Variants in CYB5D2 observed in about 807,000 individuals in gnomAD.
CYB5D2 encodes the protein neuferricin.
CYB5D2 carries 23 observed loss-of-function variants against 22.8 expected under a neutral mutation model. The ratio of observed to expected loss-of-function variants is 1.01; its 90% confidence interval spans 0.73 to 1.43. CYB5D2 has a LOEUF of 1.43. Ranked by LOEUF, CYB5D2 falls within the 40% of genes most tolerant of loss-of-function variation. The pLI is 0.00. For missense variants in CYB5D2, 373 were observed against 357.2 expected, an observed-to-expected ratio of 1.04 and a Z score of -0.36; for synonymous variants, 170 against 152.2, an observed-to-expected ratio of 1.12 and a Z score of -0.86.
chr17:4,146,618 C>T (rs920646889), intron 1 of CYB5D2, among the ~76,000 whole-genome samples: 1 of 151,898 alleles, frequency 6.6e-6, no homozygotes, highest in Admixed American at 6.6e-5. Context: ...TCTCGATCTC[C>T]TGACCTCGTG....
At chr17:4,155,711 C>T (rs1391741640) in intron 3 of CYB5D2, among the ~76,000 whole-genome samples, 1 of 152,170 alleles carries the variant, frequency 6.6e-6, no homozygotes, top group Non-Finnish European at 1.5e-5. Flanking sequence ...CTCTGAGACT[C>T]CAGGAGGAGG....
intron 2 of CYB5D2, among the ~76,000 whole-genome samples, chr17:4,150,757 G>A (rs7218900): frequency 0.13 from 19,836 of 152,094 alleles, 1,329 homozygotes; most frequent in African/African-American, 0.15. Flanking sequence ...GTGGTGGCAC[G>A]CACCTGTACT....
chr17:4,150,485 C>CT lies in CYB5D2; in HGVS notation c.391+454_391+455insT, dbSNP rs558291822. ...TCTCCCAGGTGGTAGTTATGCTAAT[C>CT]AAACCACTGTGTAGGTTACTGCACT... On this transcript the variant is annotated intron_variant, in intron 2 of 3. Transcript: ENST00000301391. 4.9e-3 allele frequency among the ~76,000 whole-genome samples: 748 copies of CT among 152,322 alleles called. 4 individuals carry two copies. The highest frequency in any genetic ancestry group is 0.018 in the African/African-American group (728 of 41,562).
rs540413150 is a variant in CYB5D2, at chr17:4,156,178, T to A, written c.579-688T>A. Among the ~76,000 whole-genome samples the A allele has an allele frequency of 3.3e-5, 5 of 152,378 alleles. No homozygotes were observed. In the South Asian group the frequency reaches 1.0e-3, roughly 32 times the overall value. ...AGTTCCAAGAACCTCAGTTTCTTTC[T>A]TGCAAGGCCTCTGAGTCCATCAGAG... On this transcript the variant is annotated intron_variant, in intron 3 of 3. Coordinates refer to ENST00000301391, the MANE Select transcript of CYB5D2 (RefSeq NM_144611.4).
chr17:4,156,103 G>A (rs575136540), intron 3 of CYB5D2, among the ~76,000 whole-genome samples: 1 of 152,380 alleles, frequency 6.6e-6, no homozygotes, highest in South Asian at 2.1e-4. Context: ...ATGTTTTCTC[G>A]CTGGGGGCAG....
At chr17:4,145,105 G>C (rs1385911150) in intron 1 of CYB5D2, among the ~76,000 whole-genome samples, 1 of 152,106 alleles carries the variant, frequency 6.6e-6, no homozygotes, top group African/African-American at 2.4e-5. Flanking sequence ...CTTTTTTACA[G>C]ATGTTGCCTT....
chr17:4,155,704 TGAGACTCCAGGAGGAG>T (rs1046898153), intron 3 of CYB5D2, among the ~76,000 whole-genome samples: 13 of 152,276 alleles, frequency 8.5e-5, no homozygotes, highest in Admixed American at 3.3e-4. Flanking sequence ...CACTGGTCTC[TGAGACTCCAGGAGGAG>T]GAGACTCCAG....
chr17:4,149,804 A>AT (rs2059034079), intron 1 of CYB5D2, 87 bp from the exon 2 acceptor site: 2 of 1,535,392 alleles, frequency 1.3e-6, no homozygotes, highest in East Asian at 4.6e-5. Context: ...GTCTCAAAAA[A>AT]AAAAGAAAAA....
chr17:4,153,808 C>G (rs1373394143), intron 2 of CYB5D2, among the ~76,000 whole-genome samples: 1 of 152,172 alleles, frequency 6.6e-6, no homozygotes, highest in Non-Finnish European at 1.5e-5. Context: ...GCTCCTAATG[C>G]AGGTCACAGG....
chr17:4,149,759 A>T (rs2059033240), intron 1 of CYB5D2, 132 bp from the exon 2 acceptor site: 2 of 1,090,542 alleles, frequency 1.8e-6, no homozygotes, highest in Non-Finnish European at 2.6e-6. Flanking sequence ...AAATCATGCC[A>T]CTGCACTCCA....
rs1204943987 is a variant in CYB5D2, at chr17:4,154,775, C to T, written c.493C>T (p.Gln165Ter). The change falls in exon 3 of 4, where the codon CAG (glutamine) becomes TAG (stop). Residue 165 changes from glutamine to a stop codon, truncating the protein, a stop_gained. Coordinates refer to ENST00000301391, the MANE Select transcript of CYB5D2 (RefSeq NM_144611.4). LOFTEE classifies it high-confidence loss of function. ...CAGAGGCTTGGAGGCCAACAAACTA[C>T]AGCTGCAAGAGAAGCAGACATTCCC... ...ITRGLEANKL[Q>*]LQEKQTFPPC... is the part of the protein sequence containing the mutation. 1.2e-6 allele frequency: 2 copies of T among 1,614,214 alleles called. No homozygotes were observed. The highest frequency in any genetic ancestry group is 1.1e-5 in the South Asian group (1 of 91,088).
At chr17:4,146,203 TG>T (rs2058989342) in intron 1 of CYB5D2, among the ~76,000 whole-genome samples, 2 of 151,914 alleles carry the variant, frequency 1.3e-5, no homozygotes, top group African/African-American at 4.8e-5. Flanking sequence ...TCAATATTCT[TG>T]TGCCCCAGCC....
chr17:4,150,166 G>A lies in CYB5D2; in HGVS notation c.391+135G>A, dbSNP rs980064513. On this transcript the variant is annotated intron_variant, in intron 2 of 3. Coordinates refer to ENST00000301391, the MANE Select transcript of CYB5D2 (RefSeq NM_144611.4). ...ATTTGTTTTACTTTAAATTCTGGTC[G>A]TTAGAATAGGGATGAGCCGCCCAGA... 2.7e-5 allele frequency: 31 copies of A among 1,168,000 alleles called. No individual in the cohort carries two copies. The highest frequency in any genetic ancestry group is 2.8e-4 in the Middle Eastern group (1 of 3,516). 72.4% of individuals were successfully genotyped at this position (1,168,000 alleles called of 1,614,324 possible). A position where few individuals can be genotyped will look rare whatever the true frequency, so the allele number is the denominator to read the frequency against.
chr17:4,157,100 T>A lies in CYB5D2; in HGVS notation c.*18T>A, dbSNP rs1352867721. On this transcript the variant is annotated 3_prime_UTR_variant, in exon 4 of 4. Coordinates refer to ENST00000301391, the MANE Select transcript of CYB5D2 (RefSeq NM_144611.4). This position sits in a 1 kb window ranked among gnomAD's most constrained non-coding sequence, Gnocchi z 4.4. ...CACTCTAAGCCGTAGCCTCTTCTGT[T>A]AATAACACACAGAGAGCTCTGCCAA... 1 of 1,611,282 alleles carries A rather than the reference T, an allele frequency of 6.2e-7. No homozygotes were observed. Among genetic ancestry groups the A allele is most frequent in the South Asian group, 1.1e-5 (1 of 90,864 alleles).
Position 4,154,122 on chromosome 17 carries a change from C to T in CYB5D2, c.392-552C>T, listed in dbSNP as rs1036251473. ...CTGGTGGACCACTTGCTGGCTGCTG[C>T]CATAGCTTAGACTTTTACAAATTCT... On this transcript the variant is annotated intron_variant, in intron 2 of 3. Coordinates refer to ENST00000301391, the MANE Select transcript of CYB5D2 (RefSeq NM_144611.4). 2.6e-5 allele frequency among the ~76,000 whole-genome samples: 4 copies of T among 152,140 alleles called. No homozygotes were observed. The East Asian group carries it at 7.7e-4, about 29-fold the overall frequency.
At chr17:4,144,117 A>G in intron 1 of CYB5D2, 112 bp downstream of exon 1, 1 of 1,393,870 alleles carries the variant, frequency 7.2e-7, no homozygotes, top group South Asian at 1.4e-5. Context: ...CCCACCCCAC[A>G]TCCATCAAAC....
In CYB5D2 at chr17:4,143,632, C is replaced by A. The variant is rs1254722006; in HGVS notation, c.-124C>A. On this transcript the variant is annotated 5_prime_UTR_variant, in exon 1 of 4. Coordinates refer to ENST00000301391, the MANE Select transcript of CYB5D2 (RefSeq NM_144611.4). ...GAGAGACTAAGGGAGGGAGCGCGAG[C>A]ACTAGCGCGCGAGAGAGAGAGCGAG... 1 of 1,368,612 alleles carries A rather than the reference C, an allele frequency of 7.3e-7. No homozygotes were observed. Among genetic ancestry groups the A allele is most frequent in the Non-Finnish European group, 9.9e-7 (1 of 1,007,746 alleles). 84.8% of individuals were successfully genotyped at this position (1,368,612 alleles called of 1,614,324 possible). A position where few individuals can be genotyped will look rare whatever the true frequency, so the allele number is the denominator to read the frequency against.
At chr17:4,153,531 C>T (rs753796442) in intron 2 of CYB5D2, among the ~76,000 whole-genome samples, 12 of 152,152 alleles carry the variant, frequency 7.9e-5, no homozygotes, top group Non-Finnish European at 1.3e-4. Context: ...AATCAGGCAT[C>T]GGAGAGCCAT....
chr17:4,150,933 T>C (rs1735027475), intron 2 of CYB5D2: 1 of 152,282 alleles, frequency 6.6e-6, no homozygotes, highest in South Asian at 2.1e-4. Context: ...CTTTCTTCTA[T>C]CTATCTGCAG....
Sources: allele counts gnomAD v4.1 joint callset (sites outside exome capture counted in the v4.1 genomes callset), GRCh38; gene constraint gnomAD v4.1.1; non-coding constraint Gnocchi (gnomAD v3.1); transcripts MANE v1.5; gene names NCBI Gene and HGNC (gene_info 2026-07-23, HGNC 2026-07-21).